ANO4: variants seen among roughly 807,000 people sequenced by gnomAD.
The protein encoded by ANO4 is anoctamin-4.
A neutral mutation model predicts 141.9 loss-of-function variants in ANO4; 69 were observed. The ratio of observed to expected loss-of-function variants is 0.49; its 90% CI spans 0.40 to 0.59. The LOEUF is 0.59. ANO4 is among the 20% of genes least tolerant of loss of function. The pLI, the probability that ANO4 is intolerant of heterozygous loss-of-function variation, is 0.00. For synonymous variants in ANO4, 350 were observed against 394.3 expected (o/e 0.89, Z 1.33); for missense variants, 894 against 1,162.2 (o/e 0.77, Z 3.36).
At chr12:100,848,074 TAATC>T (rs780514264) in intron 1 of ANO4, among the ~76,000 whole-genome samples, 6 of 152,238 alleles carry the variant, frequency 3.9e-5, no homozygotes, top group African/African-American at 7.2e-5. Flanking sequence ...TGACTTAAAA[TAATC>T]AAAGTAAGAA....
intron 7 of ANO4, among the ~76,000 whole-genome samples, chr12:100,975,142 T>C (rs571706667): frequency 6.6e-6 from 1 of 152,244 alleles, no homozygotes; most frequent in South Asian, 2.1e-4. Flanking sequence ...GTGCTGGGGC[T>C]ATTGCTTTTT....
At chr12:101,105,383 A>G (rs1307591191) in intron 22 of ANO4, among the ~76,000 whole-genome samples, 2 of 152,246 alleles carry the variant, frequency 1.3e-5, no homozygotes, top group East Asian at 3.8e-4. Flanking sequence ...TTTTGAGCCA[A>G]TGGCAAAATC....
rs1050535082 is a variant in ANO4 at position 100,912,696 on chromosome 12, T to C, written c.56-9530T>C. Among the ~76,000 whole-genome samples, 3 of 152,226 alleles carry C rather than the reference T, an allele frequency of 2.0e-5. No individual in the cohort carries two copies. The South Asian group carries it at 6.2e-4, about 31-fold the overall frequency. ...GAGAAGTGTGGCTGAGGTTTGCTTA[T>C]AGGATCTAAGGAACCTGGCTGTTCT... On this transcript the variant is annotated intron_variant, in intron 2 of 27. Coordinates refer to ENST00000392977, the MANE Select transcript of ANO4 (RefSeq NM_001286615.2).
At chr12:101,042,034 G>T (rs1276366335) in intron 11 of ANO4, among the ~76,000 whole-genome samples, 1 of 152,102 alleles carries the variant, frequency 6.6e-6, no homozygotes, top group Admixed American at 6.5e-5. Flanking sequence ...ACAGCTGTGT[G>T]CCTGGTTGGT....
intron 26 of ANO4, among the ~76,000 whole-genome samples, chr12:101,124,715 A>G (rs992768913): frequency 2.4e-4 from 37 of 152,152 alleles, no homozygotes; most frequent in African/African-American, 8.4e-4. Flanking sequence ...AAAACCATTT[A>G]TTAAGTAGGG....
At chr12:100,903,512 C>T (rs1291547459) in intron 2 of ANO4, among the ~76,000 whole-genome samples, 1 of 152,178 alleles carries the variant, frequency 6.6e-6, no homozygotes, top group Non-Finnish European at 1.5e-5. Context: ...ACTGCTTTCA[C>T]CCTTCATTTT....
chr12:100,881,458 C>G (rs1593617987), intron 1 of ANO4, among the ~76,000 whole-genome samples: 4 of 150,814 alleles, frequency 2.7e-5, no homozygotes, highest in Admixed American at 2.6e-4. Flanking sequence ...ATGCTCCAAG[C>G]ATTTGCTTCT....
At chr12:100,987,934 G>A (rs1592935346) in intron 8 of ANO4, among the ~76,000 whole-genome samples, 1 of 152,190 alleles carries the variant, frequency 6.6e-6, no homozygotes, top group East Asian at 1.9e-4. Context: ...TCCACAGAAA[G>A]GCAGTGACCC....
In ANO4 at chr12:100,987,599, C is replaced by A; in HGVS notation, c.663C>A (p.Asp221Glu). 1 of 1,614,060 alleles carries A rather than the reference C, an allele frequency of 6.2e-7. No homozygotes were observed. The highest frequency in any genetic ancestry group is 8.5e-7 in the Non-Finnish European group (1 of 1,179,994). Reference protein sequence around the residue: ...RWLPKKPMRLDKETLPDLEEN... With the variant: ...RWLPKKPMRLEKETLPDLEEN... ...TACCTAAGAAGCCAATGAGGCTGGA[C>A]AAGGAGACACTGCCAGACCTGGAGG... Residue 221 changes from aspartate (D) to glutamate (E), a missense_variant, in exon 8 of 28, where the codon GAC becomes GAA. This residue lies in a region of ANO4 where 637 missense variants were observed against 909.2 expected (regional missense o/e 0.70). Transcript: ENST00000392977.
intron 3 of ANO4, among the ~76,000 whole-genome samples, chr12:100,933,751 AT>A (rs2042174850): frequency 6.6e-6 from 1 of 152,088 alleles, no homozygotes; most frequent in Non-Finnish European, 1.5e-5. Context: ...AAGCATTCCT[AT>A]TTCTCCACAT....
chr12:100,807,633 G>T (rs548261632), intron 1 of ANO4, among the ~76,000 whole-genome samples: 1 of 152,196 alleles, frequency 6.6e-6, no homozygotes, highest in African/African-American at 2.4e-5. Context: ...GTGTGCCAGG[G>T]TGGTTTGTGA....
intron 3 of ANO4, among the ~76,000 whole-genome samples, chr12:100,745,088 G>A (rs186995990): frequency 6.6e-6 from 1 of 152,094 alleles, no homozygotes; most frequent in East Asian, 1.9e-4. Context: ...CTTCATACAG[G>A]GTACAGGTAC....
chr12:100,721,138 CTCTT>C (rs1303579694), intron 1 of ANO4, among the ~76,000 whole-genome samples: 1 of 152,184 alleles, frequency 6.6e-6, no homozygotes, highest in African/African-American at 2.4e-5. Flanking sequence ...ATGCTCTTCT[CTCTT>C]TGTGTTAGCA....
At chr12:100,962,507 G>A (rs2043469793) in intron 5 of ANO4, among the ~76,000 whole-genome samples, 1 of 152,198 alleles carries the variant, frequency 6.6e-6, no homozygotes, top group Non-Finnish European at 1.5e-5. Context: ...AGGAGTCTGG[G>A]TACAGCTCAA....
chr12:101,029,802 C>T (rs977477123), intron 9 of ANO4, among the ~76,000 whole-genome samples: 2 of 149,088 alleles, frequency 1.3e-5, no homozygotes, highest in South Asian at 2.1e-4. Context: ...CCCAGCTACT[C>T]GGGAGGCTGA....
chr12:101,061,767 T>G (rs1039313130), intron 14 of ANO4, among the ~76,000 whole-genome samples: 4 of 152,036 alleles, frequency 2.6e-5, no homozygotes, highest in African/African-American at 9.7e-5. Flanking sequence ...GTTATTCTAG[T>G]TAGCAATTCC....
chr12:100,908,738 T>C (rs983196446), intron 2 of ANO4, among the ~76,000 whole-genome samples: 1 of 152,196 alleles, frequency 6.6e-6, no homozygotes, highest in East Asian at 1.9e-4. Flanking sequence ...TTGAGGCCTA[T>C]TAAGTCATCC....
At chr12:100,960,954 T>G (rs1446435941) in intron 5 of ANO4, among the ~76,000 whole-genome samples, 1 of 152,218 alleles carries the variant, frequency 6.6e-6, no homozygotes, top group Non-Finnish European at 1.5e-5. Flanking sequence ...GAACTGACAT[T>G]GCTTACTTCT....
intron 14 of ANO4, among the ~76,000 whole-genome samples, chr12:101,073,559 C>T (rs1270523697): frequency 2.7e-5 from 2 of 73,814 alleles, no homozygotes; most frequent in Non-Finnish European, 2.6e-5. Context: ...TACCCTAGAA[C>T]TTAAAGTATA....
Sources: gnomAD v4.1 joint callset for allele counts (sites outside exome capture counted in the v4.1 genomes callset) on GRCh38, gnomAD v4.1.1 for gene constraint, gnomAD v4.1.1 regional missense constraint, MANE v1.5 for transcripts, NCBI Gene and HGNC (gene_info 2026-07-23, HGNC 2026-07-21) for gene names.